The following SLC22A9 variants were observed in gnomAD, a reference collection of about 807,000 sequenced individuals.
SLC22A9 encodes solute carrier family 22 member 9.
SLC22A9 carries 64 observed loss-of-function variants against 50.1 expected under a neutral mutation model. The ratio of observed to expected loss-of-function variants is 1.28; its 90% CI spans 1.04 to 1.57. The LOEUF is 1.57. SLC22A9 is among the 40% of genes most tolerant of loss of function. The pLI, the probability that SLC22A9 is intolerant of heterozygous loss-of-function variation, is 0.00. For missense variants in SLC22A9, 757 were observed against 676.1 expected (o/e 1.12, Z -1.33); for synonymous variants, 261 against 242.5 (o/e 1.08, Z -0.71).
intron 6 of SLC22A9, among the ~76,000 whole-genome samples, chr11:63,383,091 G>A (rs952243926): frequency 1.3e-5 from 2 of 152,128 alleles, no homozygotes; most frequent in Non-Finnish European, 2.9e-5. Context: ...TTGGATGTTT[G>A]GGTCACTGAA....
chr11:63,382,061 C>T, intron 5 of SLC22A9, 98 bp from the exon 6 acceptor site: 2 of 726,344 alleles, frequency 2.8e-6, no homozygotes, highest in Admixed American at 2.5e-5. Context: ...ACAGAAAGTG[C>T]AGTCAACTCA....
rs1462907121 is a variant in SLC22A9, at chr11:63,373,125, TTTTTTTTTTC to T, written c.507-509_507-500del. ...AAATTCCCTTTTTCTTTTTTTTCCT[TTTTTTTTTTC>T]TTTTTTTTTTTGCCCTCCCCTGCAA... is the stretch of plus-strand genomic sequence containing the variant. On this transcript the variant is annotated intron_variant, in intron 2 of 9. Coordinates refer to ENST00000279178, the MANE Select transcript of SLC22A9 (RefSeq NM_080866.3). Among the ~76,000 whole-genome samples the T allele has an allele frequency of 1.6e-4, 20 of 127,880 alleles. 1 individual carries two copies. In the South Asian group the frequency reaches 4.2e-3, roughly 27 times the overall value. The allele number at this position is 127,880 out of a possible 152,430, so 83.9% of individuals were successfully genotyped here.
chr11:63,393,298 T>C (rs564921137), intron 6 of SLC22A9, among the ~76,000 whole-genome samples: 26 of 152,278 alleles, frequency 1.7e-4, no homozygotes, highest in African/African-American at 6.3e-4. Context: ...TGGTCTCTGT[T>C]GGTGTATAGA....
chr11:63,393,050 C>T (rs949375500), intron 6 of SLC22A9, among the ~76,000 whole-genome samples: 2 of 151,970 alleles, frequency 1.3e-5, no homozygotes, highest in East Asian at 1.9e-4. Context: ...TCATGGGAAT[C>T]GCATTGAATT....
intron 6 of SLC22A9, 30 bp downstream of exon 6, chr11:63,382,307 T>C (rs181298022): frequency 2.6e-6 from 4 of 1,511,248 alleles, no homozygotes; most frequent in East Asian, 4.5e-5. Context: ...TGAGGGTAAG[T>C]TACAGTACTG....
intron 6 of SLC22A9, among the ~76,000 whole-genome samples, chr11:63,391,148 G>A (rs1451257804): frequency 6.6e-6 from 1 of 151,836 alleles, no homozygotes; most frequent in Non-Finnish European, 1.5e-5. Context: ...TCTTGTTATT[G>A]ATTTCTAGTT....
intron 6 of SLC22A9, among the ~76,000 whole-genome samples, chr11:63,392,537 T>G (rs564716140): frequency 1.4e-4 from 22 of 152,160 alleles, no homozygotes; most frequent in Non-Finnish European, 2.6e-4. Flanking sequence ...TCTTAAAATA[T>G]ATCATGCTTG....
chr11:63,408,761 C>T lies in SLC22A9; in HGVS notation c.1483C>T (p.Pro495Ser), dbSNP rs2015084406. ...PLMMILSVYS[P>S]PLPWIIYGVF... ...CATGATGATCCTAAGTGTGTATTCTCCACCCCTGCCCTGGATCATCTATGG... is the reference window on the plus strand; with the variant it reads ...CATGATGATCCTAAGTGTGTATTCTTCACCCCTGCCCTGGATCATCTATGG... The change falls in exon 9 of 10, where the codon CCA (proline) becomes TCA (serine). Residue 495 changes from proline to serine, a missense_variant. Transcript: ENST00000279178. The T allele has an allele frequency of 1.2e-6, 2 of 1,613,860 alleles. No homozygotes were observed. The highest frequency in any genetic ancestry group is 1.3e-5 in the African/African-American group (1 of 74,916).
intron 6 of SLC22A9, among the ~76,000 whole-genome samples, chr11:63,400,932 A>T: frequency 6.6e-6 from 1 of 152,128 alleles, no homozygotes; most frequent in East Asian, 1.9e-4. Flanking sequence ...CGCCAAAAGC[A>T]TATGATAAAA....
chr11:63,382,487 C>T (rs2014584354), intron 6 of SLC22A9, among the ~76,000 whole-genome samples: 1 of 152,180 alleles, frequency 6.6e-6, no homozygotes, highest in Non-Finnish European at 1.5e-5. Context: ...TTTATCGCAA[C>T]ACCCTATCAG....
chr11:63,397,270 G>T (rs544161487), intron 6 of SLC22A9, among the ~76,000 whole-genome samples: 2 of 152,178 alleles, frequency 1.3e-5, no homozygotes, highest in Admixed American at 6.5e-5. Flanking sequence ...CGAGCTGGGG[G>T]AGGGGTAACA....
At chr11:63,398,113 A>C (rs1443235383) in intron 6 of SLC22A9, among the ~76,000 whole-genome samples, 1 of 152,172 alleles carries the variant, frequency 6.6e-6, no homozygotes, top group Non-Finnish European at 1.5e-5. Flanking sequence ...GAATCCTGTC[A>C]GGCCTGCGTC....
intron 6 of SLC22A9, among the ~76,000 whole-genome samples, chr11:63,403,127 C>T (rs1242566953): frequency 6.6e-6 from 1 of 151,850 alleles, no homozygotes; most frequent in East Asian, 1.9e-4. Context: ...AGACTAAAAA[C>T]CAAATATATA....
chr11:63,394,174 A>T (rs1012654203), intron 6 of SLC22A9, among the ~76,000 whole-genome samples: 4 of 152,106 alleles, frequency 2.6e-5, no homozygotes, highest in African/African-American at 9.7e-5. Context: ...TAAACTGGTT[A>T]TTCTAGTTAG....
Position 63,370,359 on chromosome 11 carries a change from G to A in SLC22A9, c.303G>A (p.Leu101=). 2 of 1,613,986 alleles carry A rather than the reference G, an allele frequency of 1.2e-6. No homozygotes were observed. The highest frequency in any genetic ancestry group is 1.7e-6 in the Non-Finnish European group (2 of 1,179,896). The change falls in exon 1 of 10, where the codon CTG becomes CTA. Residue 101 remains leucine (L), a synonymous_variant. Transcript: ENST00000279178. ...ATCCTCAGTGGCAGCTCCTTCACCT[G>A]AATGGGACCTTCCCCAACACAAGTG... The part of the protein sequence containing the change: ...FVHPQWQLLH[L]NGTFPNTSDA...
chr11:63,379,248 C>T (rs1260460359), intron 5 of SLC22A9, among the ~76,000 whole-genome samples: 7 of 151,972 alleles, frequency 4.6e-5, no homozygotes, highest in Non-Finnish European at 8.8e-5. Flanking sequence ...TCAATGAAGT[C>T]GACAAAAACA....
intron 8 of SLC22A9, 126 bp from the exon 9 acceptor site, chr11:63,408,550 A>G: frequency 1.2e-6 from 1 of 846,806 alleles, no homozygotes; most frequent in Non-Finnish European, 1.8e-6. Flanking sequence ...AAAATTTCAA[A>G]CACAGGAGTA....
At chr11:63,389,058 G>T (rs1031394558) in intron 6 of SLC22A9, among the ~76,000 whole-genome samples, 18 of 151,892 alleles carry the variant, frequency 1.2e-4, no homozygotes, top group African/African-American at 4.4e-4. Flanking sequence ...GATCTTCTCT[G>T]TTTAGTTAGG....
intron 2 of SLC22A9, among the ~76,000 whole-genome samples, chr11:63,372,053 T>C (rs11605025): frequency 3.8e-3 from 584 of 152,216 alleles, no homozygotes; most frequent in Non-Finnish European, 6.2e-3. Context: ...TTCCAATAGT[T>C]AGTCACCCAG....
Sources: allele counts gnomAD v4.1 joint callset (sites outside exome capture counted in the v4.1 genomes callset), GRCh38; gene constraint gnomAD v4.1.1; transcripts MANE v1.5; gene names NCBI Gene and HGNC (gene_info 2026-07-23, HGNC 2026-07-21).